The following GDA variants were observed in gnomAD, a reference collection of about 807,000 sequenced individuals.
The protein encoded by GDA is cytoplasmic PSD-95 interactor.
In GDA, 18 loss-of-function variants were observed where a neutral mutation model predicts 59.6. The ratio of observed to expected loss-of-function variants is 0.30; its 90% CI spans 0.21 to 0.45. The LOEUF is 0.45. GDA is among the 20% of genes least tolerant of loss of function. The pLI is 1.00. For synonymous variants in GDA, 201 were observed against 201.1 expected (o/e 1.00, Z 0.00); for missense variants, 427 against 552.3 (o/e 0.77, Z 2.27).
At chr9:72,259,252 T>C (rs1235476394), downstream of GDA, among the ~76,000 whole-genome samples, 1 of 152,158 alleles carries the variant, frequency 6.6e-6, no homozygotes, top group African/African-American at 2.4e-5. Flanking sequence ...CTTGAATTCC[T>C]GACCTTGTGA....
upstream of GDA, among the ~76,000 whole-genome samples, chr9:72,145,090 C>A (rs936025030): frequency 2.6e-5 from 4 of 152,172 alleles, no homozygotes; most frequent in African/African-American, 9.7e-5. Context: ...CCTGCACTCT[C>A]TGTACCTCAT....
chr9:72,250,830 A>G lies in GDA; in HGVS notation c.*2488A>G, dbSNP rs1840609645. The G allele has an allele frequency of 6.2e-7, 1 of 1,609,740 alleles. No individual in the cohort carries two copies. Among genetic ancestry groups the G allele is most frequent in the South Asian group, 1.1e-5 (1 of 90,954 alleles). ...TGTTCCATGGTATTTTCAACGGAAT[A>G]CACTTTGAAAGGTAAAAACAATTCA... On this transcript the variant is annotated 3_prime_UTR_variant, in exon 14 of 14. Coordinates refer to ENST00000358399, the MANE Select transcript of GDA (RefSeq NM_004293.5).
intron 1 of GDA, among the ~76,000 whole-genome samples, chr9:72,149,922 C>G (rs114661919): frequency 0.015 from 2,269 of 152,322 alleles, 64 homozygotes; most frequent in African/African-American, 0.052. Context: ...ACAACTGGCT[C>G]GACAGCAGTC....
intron 2 of GDA, among the ~76,000 whole-genome samples, chr9:72,198,774 A>T (rs1470383232): frequency 6.6e-6 from 1 of 150,480 alleles, no homozygotes; most frequent in Non-Finnish European, 1.5e-5. Flanking sequence ...TTGTTTTCTG[A>T]TTATAAAACT....
chr9:72,256,199 A>G (rs1157704754), downstream of GDA, among the ~76,000 whole-genome samples: 1 of 152,244 alleles, frequency 6.6e-6, no homozygotes, highest in Non-Finnish European at 1.5e-5. Context: ...TTTGAAAGAT[A>G]GAAATCTGTA....
At chr9:72,234,889 G>A (rs1386841933) in intron 10 of GDA, among the ~76,000 whole-genome samples, 2 of 152,166 alleles carry the variant, frequency 1.3e-5, no homozygotes, top group Non-Finnish European at 2.9e-5. Context: ...TGGAGACAAA[G>A]CAGTGTTAGC....
intron 11 of GDA, among the ~76,000 whole-genome samples, chr9:72,241,886 C>T (rs1253225897): frequency 1.3e-5 from 2 of 152,088 alleles, no homozygotes; most frequent in African/African-American, 2.4e-5. Context: ...AGAGTGAGAC[C>T]TTGTCTCCAA....
chr9:72,257,659 C>T (rs61746146), downstream of GDA: 806 of 152,446 alleles, frequency 5.3e-3, 4 homozygotes, highest in Middle Eastern at 0.01. Context: ...TAGTGGCTCA[C>T]GCCTGTAATC....
chr9:72,133,531 G>C (rs1826112496), intron 1 of GDA, among the ~76,000 whole-genome samples: 1 of 152,020 alleles, frequency 6.6e-6, no homozygotes, highest in Non-Finnish European at 1.5e-5. Context: ...TGTCGAGCTG[G>C]CAAGGCTCGA....
upstream of GDA, among the ~76,000 whole-genome samples, chr9:72,146,577 G>T (rs575379039): frequency 6.6e-6 from 1 of 152,136 alleles, no homozygotes; most frequent in South Asian, 2.1e-4. Flanking sequence ...TGCAATCTCT[G>T]CCTCCCGGGT....
intron 10 of GDA, among the ~76,000 whole-genome samples, chr9:72,238,117 G>T (rs536671013): frequency 1.3e-5 from 2 of 152,166 alleles, no homozygotes; most frequent in South Asian, 4.1e-4. Context: ...CCCATCCACT[G>T]CCCAGCCTCA....
chr9:72,163,391 A>G (rs935768746), intron 1 of GDA, among the ~76,000 whole-genome samples: 1 of 152,218 alleles, frequency 6.6e-6, no homozygotes, highest in Non-Finnish European at 1.5e-5. Context: ...TTTATAAAAA[A>G]GAGAAATGTT....
downstream of GDA, chr9:72,257,574 C>G (rs552911769): frequency 6.6e-6 from 1 of 152,390 alleles, no homozygotes; most frequent in East Asian, 1.9e-4. Flanking sequence ...GAGCCTGAAC[C>G]TGGAATCTTC....
intron 1 of GDA, among the ~76,000 whole-genome samples, chr9:72,115,222 C>T (rs1404612838): frequency 1.3e-5 from 2 of 152,130 alleles, no homozygotes; most frequent in South Asian, 2.1e-4. Context: ...CAGCTCAAGC[C>T]ATTCTCAAAA....
intron 13 of GDA, among the ~76,000 whole-genome samples, chr9:72,248,067 A>T (rs1225374058): frequency 6.6e-6 from 1 of 152,200 alleles, no homozygotes; most frequent in Non-Finnish European, 1.5e-5. Flanking sequence ...TGCAGAATTC[A>T]GACCCTAATC....
chr9:72,202,886 C>A, intron 3 of GDA, 144 bp downstream of exon 3: 1 of 497,828 alleles, frequency 2.0e-6, no homozygotes, highest in South Asian at 4.0e-5. Flanking sequence ...TTTCACAGTC[C>A]AGTGAGTTTG....
intron 1 of GDA, among the ~76,000 whole-genome samples, chr9:72,154,493 C>T (rs368346107): frequency 3.9e-5 from 6 of 152,248 alleles, no homozygotes; most frequent in African/African-American, 1.2e-4. Flanking sequence ...AAGGAAGCCA[C>T]GGCCTGTGAT....
chr9:72,210,468 T>C (rs1835218322), intron 3 of GDA, among the ~76,000 whole-genome samples: 1 of 152,188 alleles, frequency 6.6e-6, no homozygotes, highest in African/African-American at 2.4e-5. Flanking sequence ...CACAGAACTG[T>C]GTGAATCGAG....
rs1840374174 is a variant in GDA, at chr9:72,248,428, A to C, written c.*86A>C. 6.3e-7 allele frequency: 1 copy of C among 1,597,256 alleles called. No homozygotes were observed. The highest frequency in any genetic ancestry group is 8.5e-7 in the Non-Finnish European group (1 of 1,172,386). ...CCAGGTGGAGTTAGAAAGTCAAAAA[A>C]TAGTACCTTGTTCTTGGGATGACTA... On this transcript the variant is annotated 3_prime_UTR_variant, in exon 14 of 14. Coordinates refer to ENST00000358399, the MANE Select transcript of GDA (RefSeq NM_004293.5).
Sources: allele counts gnomAD v4.1 joint callset (sites outside exome capture counted in the v4.1 genomes callset), GRCh38; gene constraint gnomAD v4.1.1; transcripts MANE v1.5; gene names NCBI Gene and HGNC (gene_info 2026-07-23, HGNC 2026-07-21).